Variants in AUTS2 observed in about 807,000 individuals in gnomAD.
The protein encoded by AUTS2 is activator of transcription and developmental regulator AUTS2.
In AUTS2, 17 loss-of-function variants were observed where a neutral mutation model predicts 112.4. That is an observed-to-expected ratio of 0.15 (90% CI 0.10 to 0.23). The LOEUF (loss-of-function observed/expected upper bound fraction) is 0.23. Ranked by LOEUF, AUTS2 falls within the 10% of genes least tolerant of loss-of-function variation. The pLI, the probability that AUTS2 is intolerant of heterozygous loss-of-function variation, is 1.00. For synonymous variants in AUTS2, 751 were observed against 702.7 expected, an observed-to-expected ratio of 1.07 and a Z score of -1.09; for missense variants, 1,510 against 1,701.6, an observed-to-expected ratio of 0.89 and a Z score of 1.98.
intron 5 of AUTS2, among the ~76,000 whole-genome samples, chr7:70,649,532 A>ATTTT (rs1806374008): frequency 6.7e-6 from 1 of 150,372 alleles, no homozygotes; most frequent in African/African-American, 2.4e-5. Flanking sequence ...TTATTTATTT[A>ATTTT]TTTATTTATT....
rs182544347 is a variant in AUTS2 at position 70,631,850 on chromosome 7, C to T, written c.691-66719C>T. Among the ~76,000 whole-genome samples the T allele has an allele frequency of 2.2e-4, 33 of 152,166 alleles. No homozygotes were observed. The highest frequency in any genetic ancestry group is 1.9e-3 in the Admixed American group (29 of 15,294). ...TGCTAGGGGGCAGGGCGCACTCTGCCGCTTTGGCTTAGTTCTCCCATGTCC... is the reference window on the plus strand; with the variant it reads ...TGCTAGGGGGCAGGGCGCACTCTGCTGCTTTGGCTTAGTTCTCCCATGTCC... On this transcript the variant is annotated intron_variant, in intron 5 of 18. Transcript: ENST00000342771. This position sits in a 1 kb window ranked among gnomAD's most constrained non-coding sequence, Gnocchi z 4.5.
At chr7:70,660,376 C>T (rs1411546102) in intron 5 of AUTS2, among the ~76,000 whole-genome samples, 2 of 152,102 alleles carry the variant, frequency 1.3e-5, no homozygotes, top group Non-Finnish European at 2.9e-5. Context: ...GCCCAGGGCC[C>T]GGTCGCCATC....
intron 2 of AUTS2, among the ~76,000 whole-genome samples, chr7:70,109,265 A>G (rs1280785396): frequency 6.6e-6 from 1 of 152,190 alleles, no homozygotes. Flanking sequence ...TTTAATAATC[A>G]AAATCTTATT....
chr7:69,829,714 A>G (rs1235315266), intron 1 of AUTS2, among the ~76,000 whole-genome samples: 1 of 152,204 alleles, frequency 6.6e-6, no homozygotes, highest in African/African-American at 2.4e-5. Flanking sequence ...CAGAATGGCC[A>G]TTATTAAAAA....
chr7:70,669,441 C>T (rs903961367), intron 5 of AUTS2, among the ~76,000 whole-genome samples: 1 of 152,196 alleles, frequency 6.6e-6, no homozygotes, highest in Admixed American at 6.5e-5. Context: ...GAGAAAGTGC[C>T]TGTGCTCTGT....
In AUTS2 at chr7:70,093,102, G is replaced by C. The variant is rs184236389; in HGVS notation, c.523-25030G>C. On this transcript the variant is annotated intron_variant, in intron 2 of 18. Coordinates refer to ENST00000342771, the MANE Select transcript of AUTS2 (RefSeq NM_015570.4). Reference sequence around the variant, plus strand: ...ACAGGCATGTCTTTGTTGTCAGAGAGCTAGAGGGAAATGAGCAATGCAGCC... The same window carrying C: ...ACAGGCATGTCTTTGTTGTCAGAGACCTAGAGGGAAATGAGCAATGCAGCC... 5.9e-5 allele frequency among the ~76,000 whole-genome samples: 9 copies of C among 152,312 alleles called. No individual in the cohort carries two copies. In the East Asian group the frequency reaches 1.7e-3, roughly 29 times the overall value.
At chr7:70,235,305 A>G (rs1812265455) in intron 4 of AUTS2, among the ~76,000 whole-genome samples, 2 of 151,604 alleles carry the variant, frequency 1.3e-5, no homozygotes, top group African/African-American at 4.8e-5. Flanking sequence ...GGCTAATTAA[A>G]AAAAAAAAAA....
At chr7:70,693,677 C>T (rs1274507303) in intron 5 of AUTS2, among the ~76,000 whole-genome samples, 1 of 152,232 alleles carries the variant, frequency 6.6e-6, no homozygotes, top group South Asian at 2.1e-4. Context: ...ACCACTGAGC[C>T]CTCACAACCG....
intron 1 of AUTS2, among the ~76,000 whole-genome samples, chr7:69,827,120 G>T (rs1178934396): frequency 5.3e-5 from 8 of 152,160 alleles, no homozygotes; most frequent in Admixed American, 5.2e-4. Context: ...TCATGGAGAG[G>T]TGGTTGTAGC....
chr7:69,735,807 G>A (rs1221152718), intron 1 of AUTS2, among the ~76,000 whole-genome samples: 2 of 152,186 alleles, frequency 1.3e-5, no homozygotes, highest in Non-Finnish European at 2.9e-5. Context: ...GCCAGTGCAG[G>A]GGACTAGCAC....
intron 5 of AUTS2, among the ~76,000 whole-genome samples, chr7:70,471,040 C>G (rs1344189743): frequency 6.6e-6 from 1 of 152,188 alleles, no homozygotes; most frequent in Non-Finnish European, 1.5e-5. Flanking sequence ...GAGCCGGGCT[C>G]TTCCCCCTGG....
chr7:70,093,817 A>G (rs1171391081), intron 2 of AUTS2, among the ~76,000 whole-genome samples: 2 of 152,238 alleles, frequency 1.3e-5, no homozygotes, highest in African/African-American at 4.8e-5. Context: ...TGTGTGAAGG[A>G]TCTAAACCCA....
At chr7:70,051,187 AT>A (rs1430741836) in intron 2 of AUTS2, among the ~76,000 whole-genome samples, 1 of 152,140 alleles carries the variant, frequency 6.6e-6, no homozygotes, top group Non-Finnish European at 1.5e-5. Context: ...AGATTTAATG[AT>A]TAAGGAAACA....
At chr7:70,529,872 A>G (rs1422181243) in intron 5 of AUTS2, among the ~76,000 whole-genome samples, 1 of 152,262 alleles carries the variant, frequency 6.6e-6, no homozygotes, top group African/African-American at 2.4e-5. Flanking sequence ...CTTTCCAAAT[A>G]AGTAAATATC....
intron 2 of AUTS2, among the ~76,000 whole-genome samples, chr7:70,059,004 C>G (rs951787329): frequency 3.9e-5 from 6 of 152,156 alleles, no homozygotes; most frequent in Non-Finnish European, 8.8e-5. Flanking sequence ...AGTTGATTAA[C>G]TGGTATTGGC....
At chr7:70,039,769 T>G (rs923228609) in intron 2 of AUTS2, among the ~76,000 whole-genome samples, 6 of 152,218 alleles carry the variant, frequency 3.9e-5, no homozygotes, top group Admixed American at 6.5e-5. Context: ...TGTTGTATAT[T>G]TCACATGACA....
intron 2 of AUTS2, among the ~76,000 whole-genome samples, chr7:69,934,145 C>G (rs967047990): frequency 1.3e-5 from 2 of 152,144 alleles, no homozygotes; most frequent in Non-Finnish European, 2.9e-5. Context: ...TTAGAAAGTT[C>G]AGACTCTTTT....
intron 1 of AUTS2, among the ~76,000 whole-genome samples, chr7:69,833,639 T>C (rs1341201737): frequency 1.3e-5 from 2 of 152,170 alleles, no homozygotes; most frequent in East Asian, 3.9e-4. Flanking sequence ...TTCGCCATAT[T>C]GGCCAGGCTG....
chr7:70,752,952 AT>A (rs1788961041), intron 6 of AUTS2, among the ~76,000 whole-genome samples: 1 of 152,094 alleles, frequency 6.6e-6, no homozygotes, highest in Admixed American at 6.5e-5. Context: ...CACAGTCAAG[AT>A]TGTGGTTGAT....
Sources: allele counts gnomAD v4.1 joint callset (sites outside exome capture counted in the v4.1 genomes callset), GRCh38; gene constraint gnomAD v4.1.1; non-coding constraint Gnocchi (gnomAD v3.1); transcripts MANE v1.5; gene names NCBI Gene and HGNC (gene_info 2026-07-23, HGNC 2026-07-21).